PPP1R3B: variants seen among roughly 807,000 people sequenced by gnomAD.
The protein encoded by PPP1R3B is PP1 subunit R4.
PPP1R3B carries 8 observed loss-of-function variants against 14.6 expected under a neutral mutation model. The ratio of observed to expected loss-of-function variants is 0.55; its 90% CI spans 0.32 to 0.99. The LOEUF (loss-of-function observed/expected upper bound fraction) is 0.99. Ranked by LOEUF, PPP1R3B falls within the 50% of genes least tolerant of loss-of-function variation. The pLI, the probability that PPP1R3B is intolerant of heterozygous loss-of-function variation, is 0.04. For missense variants in PPP1R3B, 452 were observed against 360.1 expected (o/e 1.26, Z -2.07); for synonymous variants, 169 against 142.0 (o/e 1.19, Z -1.35).
In PPP1R3B at chr8:9,140,899, A is replaced by G; in HGVS notation, c.753T>C (p.Asp251=). The part of the protein sequence containing the change: ...QGMTKPHSGP[D]LGISFDQFGS... ...CGAACTGGTCAAAGGATATTCCCAAATCCGGTCCACTGTGGGGCTTGGTCA... is the reference window on the plus strand; with the variant it reads ...CGAACTGGTCAAAGGATATTCCCAAGTCCGGTCCACTGTGGGGCTTGGTCA... Residue 251 remains aspartate (D), a synonymous_variant, in exon 2 of 2, where the codon GAT becomes GAC. Transcript: ENST00000310455. 1 of 1,614,136 alleles carries G rather than the reference A, an allele frequency of 6.2e-7. No homozygotes were observed. The highest frequency in any genetic ancestry group is 8.5e-7 in the Non-Finnish European group (1 of 1,180,026).
Position 9,139,295 on chromosome 8 carries a change from T to C in PPP1R3B, c.*1499A>G, listed in dbSNP as rs1242856187. On this transcript the variant is annotated 3_prime_UTR_variant, in exon 2 of 2. Coordinates refer to ENST00000310455, the MANE Select transcript of PPP1R3B (RefSeq NM_024607.4). The stretch of plus-strand genomic sequence containing the variant: ...TTAAGAACAATGAATCTCTGAAATT[T>C]CAGAGTTGGCAAACGTTTAAAATAA... The C allele has an allele frequency of 6.6e-6, 1 of 152,174 alleles. No homozygotes were observed. The highest frequency in any genetic ancestry group is 1.9e-4 in the East Asian group (1 of 5,200). 9.4% of individuals were successfully genotyped at this position (152,174 alleles called of 1,614,324 possible). A position where few individuals can be genotyped will look rare whatever the true frequency, so the allele number is the denominator to read the frequency against.
chr8:9,148,479 GTA>G (rs1331495532), intron 1 of PPP1R3B, among the ~76,000 whole-genome samples: 1 of 152,212 alleles, frequency 6.6e-6, no homozygotes, highest in Non-Finnish European at 1.5e-5. Flanking sequence ...AGGAATGAGT[GTA>G]TGAGTGCTGC....
Position 9,141,608 on chromosome 8 carries a change from G to A in PPP1R3B, c.44C>T (p.Pro15Leu), listed in dbSNP as rs1009061361. 1.2e-5 allele frequency: 20 copies of A among 1,614,060 alleles called. No individual in the cohort carries two copies. Among genetic ancestry groups the A allele is most frequent in the Non-Finnish European group, 1.7e-5 (20 of 1,180,022 alleles). The change falls in exon 2 of 2, where the codon CCT becomes CTT. Residue 15 changes from proline to leucine, a missense_variant. Physicochemically the swap from Pro to Leu is moderately conservative, Grantham distance 98. Transcript: ENST00000310455. ...DIEYRYNCMA[P>L]SLRQERFAFK... ...GGCAAACCTCTCTTGGCGCAAGGAA[G>A]GAGCCATGCAGTTGTATCTGTACTC...
In PPP1R3B at chr8:9,140,740, AGCAGAGCTAGGCTTGTCTGTG is replaced by A; in HGVS notation, c.*33_*53del. ...GGCCTTCCATCTCCACTGCACAGTG[AGCAGAGCTAGGCTTGTCTGTG>A]GCAGCTCCGCCACGCCCTGTCACCT... On this transcript the variant is annotated 3_prime_UTR_variant, in exon 2 of 2. Transcript: ENST00000310455. The A allele has an allele frequency of 6.3e-7, 1 of 1,584,954 alleles. No homozygotes were observed. Among genetic ancestry groups the A allele is most frequent in the Middle Eastern group, 1.7e-4 (1 of 5,754 alleles).
chr8:9,144,332 C>T (rs1186179917), intron 1 of PPP1R3B, among the ~76,000 whole-genome samples: 5 of 151,702 alleles, frequency 3.3e-5, no homozygotes, highest in Middle Eastern at 3.4e-3. Context: ...GGACCACAGG[C>T]ATGAGCCACC....
At chr8:9,148,081 A>T (rs976601898) in intron 1 of PPP1R3B, among the ~76,000 whole-genome samples, 13 of 152,200 alleles carry the variant, frequency 8.5e-5, no homozygotes, top group Non-Finnish European at 1.5e-4. Context: ...AAGAATCAGC[A>T]CACCAAAGTG....
chr8:9,145,754 T>C (rs1801222747), intron 1 of PPP1R3B, among the ~76,000 whole-genome samples: 1 of 152,232 alleles, frequency 6.6e-6, no homozygotes, highest in Admixed American at 6.5e-5. Flanking sequence ...TGGTTTGTAT[T>C]ATATCTTCTA....
intron 1 of PPP1R3B, among the ~76,000 whole-genome samples, chr8:9,145,783 C>T (rs947419872): frequency 1.2e-4 from 18 of 152,304 alleles, no homozygotes; most frequent in African/African-American, 4.3e-4. Context: ...TTGCTTCTAT[C>T]ATCAGAACAA....
In PPP1R3B at chr8:9,137,371, G is replaced by A. The variant is rs933206369; in HGVS notation, c.*3423C>T. The stretch of plus-strand genomic sequence containing the variant: ...CCGGACAACTGCACCTGTGACAGGT[G>A]GCTGGTCTTTCTGGGGCAACCTGGG... On this transcript the variant is annotated 3_prime_UTR_variant, in exon 2 of 2. Transcript: ENST00000310455. 2 of 152,184 alleles carry A rather than the reference G, an allele frequency of 1.3e-5. No homozygotes were observed. Among genetic ancestry groups the A allele is most frequent in the African/African-American group, 4.8e-5 (2 of 41,442 alleles). 9.4% of individuals were successfully genotyped at this position (152,184 alleles called of 1,614,324 possible).
Position 9,141,583 on chromosome 8 carries a change from G to C in PPP1R3B, c.69C>G (p.Ala23=). 1 of 1,614,094 alleles carries C rather than the reference G, an allele frequency of 6.2e-7. No homozygotes were observed. The highest frequency in any genetic ancestry group is 2.2e-5 in the East Asian group (1 of 44,876). The change falls in exon 2 of 2, where the codon GCC becomes GCG. Residue 23 remains alanine, a synonymous_variant. Transcript: ENST00000310455. ...TGCTGGGCTTTGGTGAGATCTTAAA[G>C]GCAAACCTCTCTTGGCGCAAGGAAG... ...MAPSLRQERF[A]FKISPKPSKP...
chr8:9,144,675 T>C (rs1401936295), intron 1 of PPP1R3B, among the ~76,000 whole-genome samples: 2 of 152,202 alleles, frequency 1.3e-5, no homozygotes, highest in Non-Finnish European at 2.9e-5. Context: ...ATAACCTAGG[T>C]GACCATTAAC....
At chr8:9,144,354 A>T (rs1280972166) in intron 1 of PPP1R3B, among the ~76,000 whole-genome samples, 2 of 151,130 alleles carry the variant, frequency 1.3e-5, no homozygotes, top group Admixed American at 1.3e-4. Context: ...TGTCCGGCTA[A>T]TTTTTAAAAA....
In PPP1R3B at chr8:9,139,703, C is replaced by T. The variant is rs1585336843; in HGVS notation, c.*1091G>A. On this transcript the variant is annotated 3_prime_UTR_variant, in exon 2 of 2. Transcript: ENST00000310455. ...AGCTGGGACTACAGGCGCCCGCCAC[C>T]ACGCCTGGCTAATTTTTTTGTATTT... The T allele has an allele frequency of 3.9e-5, 6 of 152,310 alleles. No homozygotes were observed. The South Asian group carries it at 1.2e-3, about 32-fold the overall frequency. The allele number at this position is 152,310 out of a possible 1,614,324, so 9.4% of individuals were successfully genotyped here.
upstream of PPP1R3B, among the ~76,000 whole-genome samples, chr8:9,151,070 C>G (rs940834680): frequency 6.6e-6 from 1 of 152,148 alleles, no homozygotes; most frequent in Non-Finnish European, 1.5e-5. Context: ...CCGCCGCAGC[C>G]GCAGCTCCCG....
chr8:9,144,237 G>C (rs957810466), intron 1 of PPP1R3B, among the ~76,000 whole-genome samples: 17 of 150,996 alleles, frequency 1.1e-4, no homozygotes, highest in African/African-American at 2.9e-4. Context: ...ACCTAGGCTG[G>C]AGTGAAGTGG....
In PPP1R3B at chr8:9,138,934, T is replaced by C. The variant is rs1800980866; in HGVS notation, c.*1860A>G. On this transcript the variant is annotated 3_prime_UTR_variant, in exon 2 of 2. Transcript: ENST00000310455. ...TAATGACTGTCCCGGAAGTCTCTCT[T>C]TTTTGAGACAGTTTCACTCTGTCGC... 1 of 150,624 alleles carries C rather than the reference T, an allele frequency of 6.6e-6. No homozygotes were observed. The highest frequency in any genetic ancestry group is 2.1e-4 in the South Asian group (1 of 4,822). 9.3% of individuals were successfully genotyped at this position (150,624 alleles called of 1,614,324 possible).
intron 1 of PPP1R3B, among the ~76,000 whole-genome samples, chr8:9,148,967 C>G (rs1378397541): frequency 6.7e-6 from 1 of 150,090 alleles, no homozygotes; most frequent in Non-Finnish European, 1.5e-5. Context: ...GCGGGCGGAT[C>G]ACGAGATCAG....
intron 1 of PPP1R3B, among the ~76,000 whole-genome samples, chr8:9,145,954 C>G (rs1178842518): frequency 1.3e-5 from 2 of 152,088 alleles, no homozygotes; most frequent in African/African-American, 4.8e-5. Flanking sequence ...ACTGGAACCT[C>G]AAACTCCTGG....
chr8:9,149,986 T>A (rs1801370048), intron 1 of PPP1R3B, among the ~76,000 whole-genome samples: 1 of 152,236 alleles, frequency 6.6e-6, no homozygotes, highest in Non-Finnish European at 1.5e-5. Flanking sequence ...CCCTCCAAGG[T>A]CCCTGCTGGC....
Sources: allele counts gnomAD v4.1 joint callset (sites outside exome capture counted in the v4.1 genomes callset), GRCh38; gene constraint gnomAD v4.1.1; transcripts MANE v1.5; gene names NCBI Gene and HGNC (gene_info 2026-07-23, HGNC 2026-07-21).